The following SEMA3A variants were observed in gnomAD, a reference collection of about 807,000 sequenced individuals.
SEMA3A encodes semaphorin-3A.
In SEMA3A, 29 loss-of-function variants were observed where a neutral mutation model predicts 97.9. That is an observed-to-expected ratio of 0.30 (90% confidence interval 0.22 to 0.40). SEMA3A has a LOEUF of 0.40. SEMA3A is among the 10% of genes least tolerant of loss of function. The pLI is 1.00. For synonymous variants in SEMA3A, 321 were observed against 323.7 expected (o/e 0.99, Z 0.09); for missense variants, 763 against 951.3 (o/e 0.80, Z 2.60).
chr7:83,979,878 A>T (rs564995831), intron 14 of SEMA3A, among the ~76,000 whole-genome samples: 1 of 152,308 alleles, frequency 6.6e-6, no homozygotes, highest in African/African-American at 2.4e-5. Flanking sequence ...TCTTTGCTCA[A>T]ATATTTTACC....
intron 1 of SEMA3A, among the ~76,000 whole-genome samples, chr7:84,467,910 C>G (rs1806047726): frequency 6.6e-6 from 1 of 152,144 alleles, no homozygotes; most frequent in African/African-American, 2.4e-5. Context: ...TTCTAATACT[C>G]TGTTTACATT....
chr7:84,272,919 C>T (rs2115709608), intron 3 of SEMA3A, among the ~76,000 whole-genome samples: 1 of 152,150 alleles, frequency 6.6e-6, no homozygotes, highest in Middle Eastern at 3.4e-3. Context: ...CTAATAGCAA[C>T]AATGATAATT....
Position 84,321,872 on chromosome 7 carries a change from G to GAAAAAAAAAAA in SEMA3A, c.-168-14591_-168-14581dup, listed in dbSNP as rs1156548285. Among the ~76,000 whole-genome samples, 33 of 11,954 alleles carry GAAAAAAAAAAA rather than the reference G, an allele frequency of 2.8e-3. 1 individual carries two copies. The highest frequency in any genetic ancestry group is 7.0e-3 in the East Asian group (3 of 428). The allele number at this position is 11,954 out of a possible 152,430, so 7.8% of individuals were successfully genotyped here. A position where few individuals can be genotyped will look rare whatever the true frequency, so the allele number is the denominator to read the frequency against. ...GCCTGGCCGACAGAGCGAGACTACG[G>GAAAAAAAAAAA]AAAAAAAAAAAAAAAAAAAAAAAAA... On this transcript the variant is annotated intron_variant, in intron 2 of 3. Transcript: ENST00000424555.
intron 2 of SEMA3A, among the ~76,000 whole-genome samples, chr7:84,335,223 A>C (rs767933431): frequency 6.6e-6 from 1 of 152,128 alleles, no homozygotes; most frequent in Non-Finnish European, 1.5e-5. Context: ...GGCTTATAAA[A>C]TAGATATAAT....
chr7:84,067,640 G>A (rs1793572235), intron 4 of SEMA3A, among the ~76,000 whole-genome samples: 1 of 152,160 alleles, frequency 6.6e-6, no homozygotes, highest in African/African-American at 2.4e-5. Context: ...CTCAAAAGAA[G>A]ACATTTATGC....
At chr7:84,401,208 T>A (rs1036608184) in intron 1 of SEMA3A, among the ~76,000 whole-genome samples, 1 of 152,156 alleles carries the variant, frequency 6.6e-6, no homozygotes, top group African/African-American at 2.4e-5. Context: ...GCAGCATTTC[T>A]ATATGCCAAT....
At chr7:83,977,516 C>G (rs913696165) in intron 14 of SEMA3A, among the ~76,000 whole-genome samples, 1 of 151,878 alleles carries the variant, frequency 6.6e-6, no homozygotes, top group Non-Finnish European at 1.5e-5. Context: ...AATCTAATGT[C>G]TAGAAACTCA....
At chr7:84,150,515 A>G (rs1279548534) in intron 1 of SEMA3A, among the ~76,000 whole-genome samples, 1 of 152,200 alleles carries the variant, frequency 6.6e-6, no homozygotes, top group Admixed American at 6.5e-5. Context: ...TCCCACCCGA[A>G]TACTGTGCTT....
chr7:84,343,698 G>C (rs990924484), intron 2 of SEMA3A, among the ~76,000 whole-genome samples: 1 of 151,994 alleles, frequency 6.6e-6, no homozygotes, highest in African/African-American at 2.4e-5. Context: ...GCTAACTCAT[G>C]ATACAAATAG....
chr7:84,455,435 T>C (rs143021132), intron 1 of SEMA3A, among the ~76,000 whole-genome samples: 5 of 152,112 alleles, frequency 3.3e-5, no homozygotes, highest in Admixed American at 1.3e-4. Flanking sequence ...GTTAAACTAA[T>C]ATTTCTAAAT....
At chr7:84,050,536 A>G (rs865973863) in intron 5 of SEMA3A, among the ~76,000 whole-genome samples, 213 of 151,906 alleles carry the variant, frequency 1.4e-3, no homozygotes, top group African/African-American at 4.7e-3. Context: ...CATGTCCTTC[A>G]CCCACTTTTT....
At chr7:84,339,094 T>A (rs1228387188) in intron 2 of SEMA3A, among the ~76,000 whole-genome samples, 2 of 152,156 alleles carry the variant, frequency 1.3e-5, no homozygotes, top group Non-Finnish European at 2.9e-5. Flanking sequence ...AGGAATTGCT[T>A]TAGGCTTTTC....
chr7:84,470,421 C>G (rs866515148), intron 1 of SEMA3A, among the ~76,000 whole-genome samples: 3 of 151,976 alleles, frequency 2.0e-5, no homozygotes, highest in African/African-American at 7.3e-5. Flanking sequence ...ATTCTGTGAA[C>G]AGAAGAAGAC....
intron 12 of SEMA3A, among the ~76,000 whole-genome samples, chr7:83,991,401 T>C (rs903301137): frequency 3.3e-5 from 5 of 151,498 alleles, no homozygotes; most frequent in Non-Finnish European, 4.4e-5. Context: ...TTGTGCCAGT[T>C]TTCAAAGGGA....
intron 12 of SEMA3A, among the ~76,000 whole-genome samples, chr7:83,994,103 T>A (rs369231443): frequency 6.6e-6 from 1 of 150,408 alleles, no homozygotes; most frequent in Non-Finnish European, 1.5e-5. Context: ...TCCAGTTGAT[T>A]GCATCGGCTC....
At chr7:84,225,515 C>A (rs772084482) in intron 3 of SEMA3A, among the ~76,000 whole-genome samples, 4 of 152,090 alleles carry the variant, frequency 2.6e-5, no homozygotes, top group Non-Finnish European at 5.9e-5. Flanking sequence ...ATCTCTTTCA[C>A]AAGCAACAAA....
chr7:84,073,159 C>T (rs1380233555), intron 4 of SEMA3A, among the ~76,000 whole-genome samples: 3 of 151,960 alleles, frequency 2.0e-5, no homozygotes, highest in Admixed American at 6.6e-5. Flanking sequence ...TGGAAACCAT[C>T]AGAGTTCAGT....
At chr7:84,342,124 C>T (rs1299931965) in intron 2 of SEMA3A, among the ~76,000 whole-genome samples, 1 of 152,102 alleles carries the variant, frequency 6.6e-6, no homozygotes, top group African/African-American at 2.4e-5. Context: ...CAAGCTTCGC[C>T]TCCTGGATTC....
At chr7:84,377,213 G>T (rs1485997965) in intron 1 of SEMA3A, among the ~76,000 whole-genome samples, 1 of 151,788 alleles carries the variant, frequency 6.6e-6, no homozygotes, top group Non-Finnish European at 1.5e-5. Context: ...AGAGATAGGG[G>T]TCTAGTTTCA....
Sources: gnomAD v4.1 joint callset for allele counts (sites outside exome capture counted in the v4.1 genomes callset) on GRCh38, gnomAD v4.1.1 for gene constraint, MANE v1.5 for transcripts, NCBI Gene and HGNC (gene_info 2026-07-23, HGNC 2026-07-21) for gene names.